The following CTIF variants were observed in gnomAD, a reference collection of about 807,000 sequenced individuals.
CTIF encodes CBP80/20-dependent translation initiation factor.
CTIF carries 21 observed loss-of-function variants against 66.0 expected under a neutral mutation model. That is an observed-to-expected ratio of 0.32 (90% CI 0.23 to 0.46). The LOEUF is 0.46. CTIF is among the 20% of genes least tolerant of loss of function. The pLI, the probability that CTIF is intolerant of heterozygous loss-of-function variation, is 1.00. For synonymous variants in CTIF, 345 were observed against 326.4 expected, an observed-to-expected ratio of 1.06 and a Z score of -0.62; for missense variants, 739 against 812.7, an observed-to-expected ratio of 0.91 and a Z score of 1.10.
At chr18:48,821,962 C>T (rs1007570491) in intron 10 of CTIF, among the ~76,000 whole-genome samples, 1 of 152,172 alleles carries the variant, frequency 6.6e-6, no homozygotes, top group African/African-American at 2.4e-5. Flanking sequence ...AAACTTTCAC[C>T]CATTGATTAG....
intron 10 of CTIF, among the ~76,000 whole-genome samples, chr18:48,837,725 CAA>C (rs1050199014): frequency 1.3e-5 from 2 of 152,144 alleles, no homozygotes; most frequent in Non-Finnish European, 2.9e-5. Context: ...GCCCTAAAAT[CAA>C]AGAGTGAGGG....
chr18:48,798,034 G>A (rs758384702), intron 9 of CTIF, among the ~76,000 whole-genome samples: 38 of 152,172 alleles, frequency 2.5e-4, no homozygotes, highest in Admixed American at 2.4e-3. Flanking sequence ...CTCTGCCCGC[G>A]GCAGAGCCAG....
chr18:48,837,379 G>A (rs888776522), intron 10 of CTIF, among the ~76,000 whole-genome samples: 1 of 152,084 alleles, frequency 6.6e-6, no homozygotes, highest in Non-Finnish European at 1.5e-5. Flanking sequence ...CGAGACCACT[G>A]TTCATGTCAC....
At chr18:48,710,670 C>G (rs2092213498) in intron 6 of CTIF, among the ~76,000 whole-genome samples, 1 of 152,206 alleles carries the variant, frequency 6.6e-6, no homozygotes, top group African/African-American at 2.4e-5. Context: ...TAGAGGGTCT[C>G]TCTCCAACCT....
intron 9 of CTIF, among the ~76,000 whole-genome samples, chr18:48,771,975 G>T (rs971720084): frequency 4.6e-5 from 7 of 152,270 alleles, no homozygotes; most frequent in Non-Finnish European, 8.8e-5. Flanking sequence ...CTCCCTGCGG[G>T]TTATGTAACT....
At chr18:48,746,773 C>T (rs1291995443) in intron 7 of CTIF, among the ~76,000 whole-genome samples, 1 of 152,040 alleles carries the variant, frequency 6.6e-6, no homozygotes, top group East Asian at 1.9e-4. Context: ...GCTGAGTTCC[C>T]CTGCAGTCTT....
At chr18:48,658,235 T>G (rs932873733) in intron 3 of CTIF, among the ~76,000 whole-genome samples, 1 of 151,954 alleles carries the variant, frequency 6.6e-6, no homozygotes, top group Non-Finnish European at 1.5e-5. Context: ...TGTGTGTGTA[T>G]ATGCCTGTGT....
intron 9 of CTIF, among the ~76,000 whole-genome samples, chr18:48,765,679 A>T (rs1457583812): frequency 6.6e-6 from 1 of 152,150 alleles, no homozygotes; most frequent in Non-Finnish European, 1.5e-5. Flanking sequence ...AAGGTCCTTT[A>T]ACCCTTCCCA....
At chr18:48,547,336 C>T (rs181724507) in intron 1 of CTIF, among the ~76,000 whole-genome samples, 128 of 152,284 alleles carry the variant, frequency 8.4e-4, no homozygotes, top group African/African-American at 3.0e-3. Flanking sequence ...TTTCCAGGGT[C>T]CCCTTAAGGG....
chr18:48,637,393 C>T (rs1363127664), intron 3 of CTIF, among the ~76,000 whole-genome samples: 1 of 152,196 alleles, frequency 6.6e-6, no homozygotes, highest in African/African-American at 2.4e-5. Flanking sequence ...CTCATCCCTG[C>T]CTGCAGGAGC....
chr18:48,849,039 A>C (rs1330700229), intron 10 of CTIF, among the ~76,000 whole-genome samples: 1 of 152,066 alleles, frequency 6.6e-6, no homozygotes, highest in African/African-American at 2.4e-5. Flanking sequence ...AGAGACTCTG[A>C]TGAGTGGGCT....
intron 1 of CTIF, among the ~76,000 whole-genome samples, chr18:48,586,799 T>C (rs1430019398): frequency 6.6e-6 from 1 of 152,200 alleles, no homozygotes; most frequent in African/African-American, 2.4e-5. Context: ...TCAAAAAATA[T>C]TATCTCTACC....
At chr18:48,669,629 G>A (rs936916074) in intron 5 of CTIF, among the ~76,000 whole-genome samples, 1 of 151,342 alleles carries the variant, frequency 6.6e-6, no homozygotes. Flanking sequence ...CATAGTAGTA[G>A]CAATATATTT....
In CTIF at chr18:48,833,819, G is replaced by A. The variant is rs2068748274; in HGVS notation, c.1527+16443G>A. On this transcript the variant is annotated intron_variant, in intron 10 of 11. Transcript: ENST00000256413. ...AGGTAAGAGCCCCTGCTCTAGAAGT[G>A]GAATGTTAGGTTTTCATACAGGCAA... is the stretch of plus-strand genomic sequence containing the variant. Among the ~76,000 whole-genome samples, 4 of 152,300 alleles carry A rather than the reference G, an allele frequency of 2.6e-5. 1 individual carries two copies. In the South Asian group the frequency reaches 8.3e-4, roughly 32 times the overall value.
chr18:48,634,376 GA>G (rs2090775196), intron 2 of CTIF, among the ~76,000 whole-genome samples: 1 of 152,072 alleles, frequency 6.6e-6, no homozygotes, highest in Non-Finnish European at 1.5e-5. Context: ...TATCTTGGGG[GA>G]AATACTTTGA....
intron 5 of CTIF, among the ~76,000 whole-genome samples, chr18:48,666,034 G>C (rs1174651972): frequency 6.6e-6 from 1 of 152,200 alleles, no homozygotes; most frequent in African/African-American, 2.4e-5. Flanking sequence ...GTCAAACTGT[G>C]TTCCATAGCA....
intron 2 of CTIF, among the ~76,000 whole-genome samples, chr18:48,626,913 TC>T (rs2144520595): frequency 1.3e-5 from 2 of 152,294 alleles, no homozygotes; most frequent in East Asian, 3.9e-4. Flanking sequence ...CTGCTCGGCC[TC>T]CCAAAGTGTT....
intron 9 of CTIF, among the ~76,000 whole-genome samples, chr18:48,813,302 A>G (rs2068298470): frequency 6.6e-6 from 1 of 152,194 alleles, no homozygotes; most frequent in Non-Finnish European, 1.5e-5. Flanking sequence ...CATTCTCCTT[A>G]CATACAAGCC....
intron 2 of CTIF, among the ~76,000 whole-genome samples, chr18:48,624,763 C>G (rs891105970): frequency 2.0e-5 from 3 of 152,162 alleles, no homozygotes; most frequent in Non-Finnish European, 4.4e-5. Flanking sequence ...CCTTTCTCCC[C>G]CTCCATGGCC....
Sources: gnomAD v4.1 joint callset for allele counts (sites outside exome capture counted in the v4.1 genomes callset) on GRCh38, gnomAD v4.1.1 for gene constraint, MANE v1.5 for transcripts, NCBI Gene and HGNC (gene_info 2026-07-23, HGNC 2026-07-21) for gene names.